PLEKHG7: variants seen among roughly 807,000 people sequenced by gnomAD.
PLEKHG7 encodes pleckstrin homology domain-containing family G member 7.
PLEKHG7 carries 77 observed loss-of-function variants against 85.2 expected under a neutral mutation model. The ratio of observed to expected loss-of-function variants is 0.90; its 90% confidence interval spans 0.75 to 1.09. PLEKHG7 has a LOEUF of 1.09. PLEKHG7 is among the 50% of genes least tolerant of loss of function. PLEKHG7 has a pLI of 0.00. For missense variants in PLEKHG7, 777 were observed against 804.3 expected, an observed-to-expected ratio of 0.97 and a Z score of 0.41; for synonymous variants, 301 against 302.4, an observed-to-expected ratio of 1.00 and a Z score of 0.05.
At chr12:92,721,576 G>GGGGGGGGC in intron 3 of PLEKHG7, 16 of 476,972 alleles carry the variant, frequency 3.4e-5, no homozygotes, top group Non-Finnish European at 4.4e-5. Flanking sequence ...TGGGGGTGGG[G>GGGGGGGGC]AAAGCCAGTG....
At chr12:92,732,439 G>A (rs1872019327) in intron 5 of PLEKHG7, among the ~76,000 whole-genome samples, 166 bp downstream of exon 5, 1 of 152,158 alleles carries the variant, frequency 6.6e-6, no homozygotes, top group East Asian at 1.9e-4. Context: ...TACGGAACAT[G>A]CCAAGTGGTG....
chr12:92,727,135 C>A (rs1871839179), intron 3 of PLEKHG7, among the ~76,000 whole-genome samples: 1 of 152,128 alleles, frequency 6.6e-6, no homozygotes, highest in South Asian at 2.1e-4. Flanking sequence ...GTCATCACAG[C>A]CCTCCCCTGC....
At chr12:92,714,009 G>A (rs1480770625) in intron 3 of PLEKHG7, among the ~76,000 whole-genome samples, 1 of 152,216 alleles carries the variant, frequency 6.6e-6, no homozygotes, top group Admixed American at 6.5e-5. Context: ...CCAGATTTCT[G>A]TTTATATAAA....
chr12:92,732,507 A>G (rs1003298077), intron 5 of PLEKHG7, among the ~76,000 whole-genome samples: 2 of 152,216 alleles, frequency 1.3e-5, no homozygotes, highest in Non-Finnish European at 2.9e-5. Flanking sequence ...CTGCAAAAAA[A>G]CACAAAGCAA....
intron 3 of PLEKHG7, chr12:92,721,573 G>T: frequency 2.7e-6 from 3 of 1,102,174 alleles, no homozygotes; most frequent in South Asian, 9.2e-5. Context: ...GGGTGGGGGT[G>T]GGGAAAGCCA....
At chr12:92,720,585 C>T (rs1055142589) in intron 3 of PLEKHG7, among the ~76,000 whole-genome samples, 4 of 152,118 alleles carry the variant, frequency 2.6e-5, no homozygotes, top group Non-Finnish European at 5.9e-5. Context: ...CTTGGTCTCC[C>T]GAAGTACTGG....
intron 13 of PLEKHG7, among the ~76,000 whole-genome samples, chr12:92,757,245 A>G (rs974510675): frequency 2.0e-5 from 3 of 152,218 alleles, no homozygotes; most frequent in Admixed American, 6.5e-5. Context: ...ATGTGTAAGC[A>G]CTCAAAAGAA....
chr12:92,707,406 G>T (rs369765826), intron 2 of PLEKHG7: 3 of 1,428,034 alleles, frequency 2.1e-6, no homozygotes. Context: ...CAGGCTTACC[G>T]ATGGTCTGTC....
At chr12:92,728,736 ATTTCT>A (rs906685350) in intron 3 of PLEKHG7, among the ~76,000 whole-genome samples, 2 of 151,840 alleles carry the variant, frequency 1.3e-5, no homozygotes, top group African/African-American at 4.8e-5. Flanking sequence ...TTATATTATG[ATTTCT>A]TTTCCTTTGG....
At chr12:92,768,221 AAGAG>A (rs1228580277) in intron 15 of PLEKHG7, among the ~76,000 whole-genome samples, 15 of 152,168 alleles carry the variant, frequency 9.9e-5, no homozygotes, top group African/African-American at 2.9e-4. Context: ...AAAAAAAAAA[AAGAG>A]AGAAAAAAGA....
At chr12:92,710,261 A>T (rs1871341980) in intron 3 of PLEKHG7, among the ~76,000 whole-genome samples, 1 of 152,232 alleles carries the variant, frequency 6.6e-6, no homozygotes, top group Non-Finnish European at 1.5e-5. Context: ...ACTTTGTCCC[A>T]GCCCTGCAAA....
intron 4 of PLEKHG7, among the ~76,000 whole-genome samples, chr12:92,731,685 C>G (rs1036408357): frequency 4.6e-5 from 7 of 152,180 alleles, no homozygotes; most frequent in African/African-American, 1.7e-4. Flanking sequence ...TAGAAGATGG[C>G]CAGTAGCAAG....
intron 3 of PLEKHG7, among the ~76,000 whole-genome samples, chr12:92,712,197 C>T (rs1200074069): frequency 5.9e-5 from 9 of 152,204 alleles, no homozygotes; most frequent in African/African-American, 7.2e-5. Flanking sequence ...TGTAATGGAC[C>T]AGTGTGATAT....
At chr12:92,721,830 A>AC (rs1871656951) in intron 3 of PLEKHG7, among the ~76,000 whole-genome samples, 1 of 151,408 alleles carries the variant, frequency 6.6e-6, no homozygotes, top group Non-Finnish European at 1.5e-5. Flanking sequence ...TGCCAGCCAC[A>AC]CCCCAAATAG....
chr12:92,706,995 C>CTGGAGT lies in PLEKHG7; in HGVS notation c.369_370insTTGGAG (p.Leu122_Glu123dup), dbSNP rs1322420742. 4.3e-6 allele frequency: 7 copies of CTGGAGT among 1,614,212 alleles called. No homozygotes were observed. Among genetic ancestry groups the CTGGAGT allele is most frequent in the Non-Finnish European group, 5.1e-6 (6 of 1,180,032 alleles). ...AAGGGCCCTGAATGCAGCTGACTCA[C>CTGGAGT]TGGAGCCCCAAACCCGGCCCACTGA... On this transcript the variant is annotated inframe_insertion, in exon 2 of 17. Coordinates refer to ENST00000344636, the MANE Select transcript of PLEKHG7 (RefSeq NM_001377329.1).
intron 4 of PLEKHG7, among the ~76,000 whole-genome samples, chr12:92,731,281 T>G (rs1182724175): frequency 6.6e-6 from 1 of 152,196 alleles, no homozygotes; most frequent in East Asian, 1.9e-4. Context: ...CTCTCTTTAA[T>G]AAAGATCAAT....
At chr12:92,735,208 A>G (rs1872107081) in intron 5 of PLEKHG7, among the ~76,000 whole-genome samples, 1 of 152,180 alleles carries the variant, frequency 6.6e-6, no homozygotes, top group Non-Finnish European at 1.5e-5. Flanking sequence ...ACATGCAGTC[A>G]CTATGGTTTC....
chr12:92,763,440 C>T (rs947059000), intron 14 of PLEKHG7, among the ~76,000 whole-genome samples: 1 of 152,118 alleles, frequency 6.6e-6, no homozygotes, highest in Non-Finnish European at 1.5e-5. Context: ...AAGAACTTCC[C>T]ATTGACGTGA....
chr12:92,714,571 A>G (rs769232474), intron 3 of PLEKHG7, among the ~76,000 whole-genome samples: 29 of 152,192 alleles, frequency 1.9e-4, no homozygotes, highest in Non-Finnish European at 3.5e-4. Context: ...ACTGTCACTC[A>G]GGGCAATCTT....
Sources: gnomAD v4.1 joint callset for allele counts (sites outside exome capture counted in the v4.1 genomes callset) on GRCh38, gnomAD v4.1.1 for gene constraint, MANE v1.5 for transcripts, NCBI Gene and HGNC (gene_info 2026-07-23, HGNC 2026-07-21) for gene names.